The following MARS1 variants were observed in gnomAD, a reference collection of about 807,000 sequenced individuals.
MARS1 encodes the protein methionyl-tRNA synthetase 1.
In MARS1, 80 loss-of-function variants were observed where a neutral mutation model predicts 119.5. The observed-to-expected ratio is 0.67, with a 90% CI of 0.56 to 0.81. The LOEUF (loss-of-function observed/expected upper bound fraction) is 0.81. MARS1 is among the 30% of genes least tolerant of loss of function. The pLI is 0.00. For synonymous variants in MARS1, 418 were observed against 433.4 expected, an observed-to-expected ratio of 0.96 and a Z score of 0.44; for missense variants, 945 against 1,116.5, an observed-to-expected ratio of 0.85 and a Z score of 2.19.
At chr12:57,504,384 C>G (rs1594824814) in intron 11 of MARS1, 85 bp downstream of exon 11, 1 of 1,048,256 alleles carries the variant, frequency 9.5e-7, no homozygotes, top group East Asian at 2.4e-5. Context: ...GAGCAGATTA[C>G]TCTTAAAAGT....
At position 57,516,330 on chromosome 12, in the gene MARS1, CA is replaced by C. The variant is rs745700998; in HGVS notation, c.2553del (p.Lys851AsnfsTer9). On this transcript the variant is annotated frameshift_variant, in exon 20 of 21. Transcript: ENST00000262027. LOFTEE classifies it high-confidence loss of function. ...ATACAAGCGCTGATGGATGAAGTGA[CA>C]AAACAAGTATGAAGCTTAAGCCCTG... is the stretch of plus-strand genomic sequence containing the variant. ...QQIQALMDEV[T>X]KQGNIVRELK... 8.7e-6 allele frequency: 14 copies of C among 1,614,002 alleles called. No homozygotes were observed. The highest frequency in any genetic ancestry group is 2.7e-5 in the African/African-American group (2 of 74,932).
chr12:57,499,421 C>T (rs1876809113), intron 9 of MARS1, among the ~76,000 whole-genome samples: 1 of 145,982 alleles, frequency 6.9e-6, no homozygotes, highest in Non-Finnish European at 1.5e-5. Context: ...CAGTGAAACC[C>T]TGTCTCTACT....
chr12:57,490,218 G>T lies in MARS1; in HGVS notation c.502G>T (p.Ala168Ser). 1 of 1,613,484 alleles carries T rather than the reference G, an allele frequency of 6.2e-7. No individual in the cohort carries two copies. The highest frequency in any genetic ancestry group is 2.2e-5 in the East Asian group (1 of 44,884). ...TTCCATACCCACAGAGGAGCTGAGT[G>T]CCCTGCACAGCTGGTTCCAGACACT... ...DPAYLPEELS[A>S]LHSWFQTLST... Residue 168 changes from alanine (A) to serine (S), a missense_variant, in exon 6 of 21, where the codon GCC (alanine) becomes TCC (serine). Physicochemically the swap from Ala to Ser is moderately conservative, Grantham distance 99. Transcript: ENST00000262027.
Position 57,495,138 on chromosome 12 carries a change from C to T in MARS1, c.771-3019C>T, listed in dbSNP as rs532337605. Among the ~76,000 whole-genome samples, 7 of 149,902 alleles carry T rather than the reference C, an allele frequency of 4.7e-5. No homozygotes were observed. The South Asian group carries it at 1.5e-3, about 32-fold the overall frequency. On this transcript the variant is annotated intron_variant, in intron 7 of 20. Transcript: ENST00000262027. The stretch of plus-strand genomic sequence containing the variant: ...TGGGTGGCGGCCAGGCGGAGGCGCC[C>T]CCCACCTCCCGGATGGGGTGGCTGC...
chr12:57,513,614 CAAAAAAA>C (rs34526594), intron 15 of MARS1, among the ~76,000 whole-genome samples: 2 of 74,416 alleles, frequency 2.7e-5, no homozygotes, highest in Non-Finnish European at 5.2e-5. Flanking sequence ...GATCCTGTCT[CAAAAAAA>C]AAAAAAAAAA....
At chr12:57,488,321 C>T (rs1565635893) in intron 1 of MARS1, 122 bp downstream of exon 1, 1 of 901,542 alleles carries the variant, frequency 1.1e-6, no homozygotes, top group Non-Finnish European at 1.7e-6. Context: ...ACCACTTCTC[C>T]TATTATCCTT....
At chr12:57,511,304 C>A (rs1291762761) in intron 11 of MARS1, among the ~76,000 whole-genome samples, 1 of 152,066 alleles carries the variant, frequency 6.6e-6, no homozygotes, top group Non-Finnish European at 1.5e-5. Flanking sequence ...CTAGTTAAGG[C>A]TGGGCAGGGT....
chr12:57,490,780 C>CTTTT (rs35674919), intron 7 of MARS1, 136 bp downstream of exon 7: 56 of 255,488 alleles, frequency 2.2e-4, no homozygotes, highest in African/African-American at 3.5e-4. Flanking sequence ...TCTTACATCT[C>CTTTT]TTTTTTTTTT....
At chr12:57,507,271 A>G (rs2140027315) in intron 11 of MARS1, among the ~76,000 whole-genome samples, 1 of 149,952 alleles carries the variant, frequency 6.7e-6, no homozygotes, top group South Asian at 2.1e-4. Context: ...AGACACGGCA[A>G]CCATCCGATT....
At chr12:57,505,415 G>A (rs927418531) in intron 11 of MARS1, among the ~76,000 whole-genome samples, 1 of 152,048 alleles carries the variant, frequency 6.6e-6, no homozygotes, top group Non-Finnish European at 1.5e-5. Context: ...ATCCACCTCG[G>A]CCTCCCAGTG....
At chr12:57,498,087 C>T (rs1484459093) in intron 7 of MARS1, 70 bp from the exon 8 acceptor site, 2 of 928,716 alleles carry the variant, frequency 2.2e-6, no homozygotes, top group African/African-American at 3.2e-5. Flanking sequence ...TCCGGGTGTT[C>T]TGTGCACTTT....
In MARS1 at chr12:57,498,514, A is replaced by AC. The variant is rs764685031; in HGVS notation, c.988dup (p.Gln330ProfsTer13). On this transcript the variant is annotated frameshift_variant, in exon 9 of 21. Coordinates refer to ENST00000262027, the MANE Select transcript of MARS1 (RefSeq NM_004990.4). LOFTEE classifies it high-confidence loss of function. Reference sequence around the variant, plus strand: ...GACCAAGGCTCTGGAGGAGGGACTAACCCCCCAGGAGATCTGCGACAAGTA... The same window carrying AC: ...GACCAAGGCTCTGGAGGAGGGACTAACCCCCCCAGGAGATCTGCGACAAGTA... 1 of 1,614,074 alleles carries AC rather than the reference A, an allele frequency of 6.2e-7. No individual in the cohort carries two copies. The highest frequency in any genetic ancestry group is 1.1e-5 in the South Asian group (1 of 91,070).
intron 11 of MARS1, among the ~76,000 whole-genome samples, chr12:57,505,730 T>G (rs1357233743): frequency 2.0e-5 from 3 of 152,162 alleles, no homozygotes; most frequent in Non-Finnish European, 2.9e-5. Flanking sequence ...GAGGATCATT[T>G]GAGCCCAGGA....
chr12:57,497,396 CTG>C (rs1366774585), intron 7 of MARS1, among the ~76,000 whole-genome samples: 1 of 152,120 alleles, frequency 6.6e-6, no homozygotes, highest in Non-Finnish European at 1.5e-5. Flanking sequence ...GAGGCAGTGA[CTG>C]TAGGCTAAGA....
chr12:57,508,416 C>T (rs1299671340), intron 11 of MARS1, among the ~76,000 whole-genome samples: 1 of 152,220 alleles, frequency 6.6e-6, no homozygotes, highest in South Asian at 2.1e-4. Context: ...CCCGGCACCT[C>T]GGGAGGCCGA....
At chr12:57,499,253 C>A (rs553805124) in intron 9 of MARS1, among the ~76,000 whole-genome samples, 14 of 137,924 alleles carry the variant, frequency 1.0e-4, no homozygotes, top group Non-Finnish European at 1.8e-4. Context: ...CATTGTACTC[C>A]AGCCTGGGCA....
intron 7 of MARS1, 88 bp from the exon 8 acceptor site, chr12:57,498,069 A>C: frequency 2.4e-6 from 2 of 826,342 alleles, no homozygotes; most frequent in East Asian, 2.4e-5. Context: ...CAGTAGAACA[A>C]ATCTGTGTCC....
chr12:57,514,595 T>TA, intron 15 of MARS1, 125 bp from the exon 16 acceptor site: 2 of 1,177,940 alleles, frequency 1.7e-6, no homozygotes, highest in African/African-American at 1.5e-5. Flanking sequence ...AGCCAGGAGT[T>TA]ACCTGTTCCA....
In MARS1 at chr12:57,488,715, T is replaced by G; in HGVS notation, c.110-304T>G. The G allele has an allele frequency of 2.1e-6, 3 of 1,440,686 alleles. No homozygotes were observed. In the South Asian group the frequency reaches 3.7e-5, roughly 18 times the overall value. 89.2% of individuals were successfully genotyped at this position (1,440,686 alleles called of 1,614,324 possible). On this transcript the variant is annotated intron_variant, in intron 1 of 20. Transcript: ENST00000262027. ...TTCTCCCACTGTGACCTTCAGATAA[T>G]TATGAAGATATCCCAGTTACTTTCA...
Sources: allele counts gnomAD v4.1 joint callset (sites outside exome capture counted in the v4.1 genomes callset), GRCh38; gene constraint gnomAD v4.1.1; transcripts MANE v1.5; gene names NCBI Gene and HGNC (gene_info 2026-07-23, HGNC 2026-07-21).